The following ATXN2 variants were observed in gnomAD, a reference collection of about 807,000 sequenced individuals.
ATXN2 encodes the protein ataxin 2, also known as ataxin-2.
ATXN2 carries 37 observed loss-of-function variants against 138.6 expected under a neutral mutation model. That is an observed-to-expected ratio of 0.27 (90% CI 0.21 to 0.35). The LOEUF is 0.35. Among genes scored for constraint, ATXN2 ranks in the 10% least tolerant of loss-of-function variants. ATXN2 has a pLI of 1.00. For synonymous variants in ATXN2, 549 were observed against 543.7 expected, an observed-to-expected ratio of 1.01 and a Z score of -0.13; for missense variants, 1,216 against 1,480.3, an observed-to-expected ratio of 0.82 and a Z score of 2.93.
intron 1 of ATXN2, among the ~76,000 whole-genome samples, chr12:111,597,122 A>G (rs1884975487): frequency 8.6e-6 from 1 of 116,582 alleles, no homozygotes; most frequent in African/African-American, 3.3e-5. Context: ...TTGGCTAAGT[A>G]GTGTTTGGGA....
At chr12:111,575,326 A>C (rs1346786414) in intron 1 of ATXN2, among the ~76,000 whole-genome samples, 2 of 152,076 alleles carry the variant, frequency 1.3e-5, no homozygotes, top group African/African-American at 4.8e-5. Context: ...CTGCGACTAC[A>C]GGTGTGTGCT....
intron 1 of ATXN2, among the ~76,000 whole-genome samples, chr12:111,571,791 G>A (rs1238841283): frequency 6.6e-6 from 1 of 151,914 alleles, no homozygotes; most frequent in African/African-American, 2.4e-5. Flanking sequence ...GCAGAGGTGG[G>A]CAGATCACCT....
At chr12:111,477,210 G>A (rs1480406370) in intron 18 of ATXN2, among the ~76,000 whole-genome samples, 2 of 149,934 alleles carry the variant, frequency 1.3e-5, no homozygotes, top group Non-Finnish European at 3.0e-5. Flanking sequence ...ATACAAATTA[G>A]CTGGGTGTAG....
At chr12:111,511,930 C>G (rs749192827) in intron 11 of ATXN2, 1 of 152,088 alleles carries the variant, frequency 6.6e-6, no homozygotes, top group Non-Finnish European at 1.5e-5. Context: ...TTTAACACAG[C>G]TGAGTTTTGT....
intron 14 of ATXN2, among the ~76,000 whole-genome samples, chr12:111,509,293 T>C (rs1197866239): frequency 2.0e-5 from 3 of 152,140 alleles, no homozygotes; most frequent in Admixed American, 6.6e-5. Flanking sequence ...GACCATCAAA[T>C]AGTAAGCTGT....
At chr12:111,581,598 G>C in intron 1 of ATXN2, 2 of 816,878 alleles carry the variant, frequency 2.4e-6, no homozygotes, top group East Asian at 4.9e-5. Flanking sequence ...TGCTGCCTGG[G>C]CTTCATAGCA....
chr12:111,507,904 G>C (rs1879264000), intron 14 of ATXN2, among the ~76,000 whole-genome samples: 1 of 152,178 alleles, frequency 6.6e-6, no homozygotes, highest in African/African-American at 2.4e-5. Context: ...GTCACTCAGG[G>C]TTAAATGGAT....
chr12:111,583,237 C>T (rs1884114838), intron 1 of ATXN2, among the ~76,000 whole-genome samples: 2 of 151,520 alleles, frequency 1.3e-5, no homozygotes, highest in South Asian at 2.1e-4. Flanking sequence ...GTGATCCACC[C>T]GCCTCAGCCT....
At chr12:111,481,165 C>A (rs1877202884) in intron 18 of ATXN2, among the ~76,000 whole-genome samples, 1 of 152,006 alleles carries the variant, frequency 6.6e-6, no homozygotes. Flanking sequence ...CAAAAATGGG[C>A]CGAGCGCGGT....
chr12:111,527,720 T>C (rs1880576305), intron 5 of ATXN2, among the ~76,000 whole-genome samples: 1 of 152,214 alleles, frequency 6.6e-6, no homozygotes, highest in Non-Finnish European at 1.5e-5. Context: ...GAGCATTCAC[T>C]AGAAATGGCT....
intron 5 of ATXN2, among the ~76,000 whole-genome samples, chr12:111,526,225 A>G (rs1204741065): frequency 2.0e-5 from 3 of 151,502 alleles, no homozygotes; most frequent in African/African-American, 7.2e-5. Flanking sequence ...GCATGGTGGC[A>G]CATGCCTGTA....
At chr12:111,565,173 A>AG in intron 1 of ATXN2, among the ~76,000 whole-genome samples, 1 of 152,312 alleles carries the variant, frequency 6.6e-6, no homozygotes, top group East Asian at 1.9e-4. Context: ...CTGAAAAAAA[A>AG]AACGTATTTT....
chr12:111,457,080 G>A, intron 22 of ATXN2, 134 bp downstream of exon 22: 3 of 1,140,346 alleles, frequency 2.6e-6, no homozygotes, highest in South Asian at 3.4e-5. Context: ...ACCACCCCAG[G>A]GGCACAGCTG....
At chr12:111,589,013 A>AAAAAT (rs1884500158) in intron 1 of ATXN2, among the ~76,000 whole-genome samples, 1 of 136,242 alleles carries the variant, frequency 7.3e-6, no homozygotes, top group Non-Finnish European at 1.5e-5. Context: ...AAAAAAAAAA[A>AAAAAT]AAAAAAAAAA....
chr12:111,536,789 T>G (rs908306376), intron 5 of ATXN2, among the ~76,000 whole-genome samples: 40 of 147,166 alleles, frequency 2.7e-4, no homozygotes, highest in Non-Finnish European at 5.2e-4. Context: ...TTTTTTTTTT[T>G]TTTTTTTTTT....
chr12:111,596,290 TTA>T (rs1438870612), intron 1 of ATXN2, among the ~76,000 whole-genome samples: 1 of 150,932 alleles, frequency 6.6e-6, no homozygotes, highest in Non-Finnish European at 1.5e-5. Context: ...TGTGATTACA[TTA>T]TCTTTCCTAA....
intron 7 of ATXN2, among the ~76,000 whole-genome samples, chr12:111,520,518 G>A (rs1880098802): frequency 6.6e-6 from 1 of 152,110 alleles, no homozygotes; most frequent in Admixed American, 6.6e-5. Context: ...GGGCATGGTA[G>A]CACGCGCCTA....
rs149725086 is a variant in ATXN2 at position 111,510,519 on chromosome 12, G to C, written c.1622C>G (p.Thr541Ser). 2 of 1,613,974 alleles carry C rather than the reference G, an allele frequency of 1.2e-6. No individual in the cohort carries two copies. The highest frequency in any genetic ancestry group is 1.3e-5 in the African/African-American group (1 of 74,910). ...AGAAGCAAGAACTGGCCCACTGGGG[G>C]TATTTCCAATACTGTTCTGTCTGGG... ...RSPRQNSIGN[T>S]PSGPVLASPQ... The change falls in exon 12 of 25, where the codon ACC becomes AGC. Residue 541 changes from threonine (T) to serine (S), a missense_variant. By Grantham distance (58) the Thr-to-Ser change is moderately conservative (BLOSUM62 1). Transcript: ENST00000673436.
chr12:111,486,794 A>G lies in ATXN2; in HGVS notation c.2271T>C (p.Asn757=). ...EQVRKSTLNP[N]AKEFNPRSFS... is the part of the protein sequence containing the mutation. ...AGGAACGTGGGTTGAACTCCTTTGC[A>G]TTGGGATTCAATGTTGATTTCCTAA... The change falls in exon 16 of 25, where the codon AAT becomes AAC. Residue 757 remains asparagine, a synonymous_variant. Coordinates refer to ENST00000673436, the MANE Select transcript of ATXN2 (RefSeq NM_001372574.1). The G allele has an allele frequency of 6.2e-7, 1 of 1,613,340 alleles. No homozygotes were observed. The highest frequency in any genetic ancestry group is 8.5e-7 in the Non-Finnish European group (1 of 1,179,450).
Sources: allele counts gnomAD v4.1 joint callset (sites outside exome capture counted in the v4.1 genomes callset), GRCh38; gene constraint gnomAD v4.1.1; transcripts MANE v1.5; gene names NCBI Gene and HGNC (gene_info 2026-07-23, HGNC 2026-07-21).